The following TNR variants were observed in gnomAD, a reference collection of about 807,000 sequenced individuals.
TNR encodes the protein tenascin-R.
Under a neutral mutation model 150.4 loss-of-function variants are expected in TNR, and 45 were observed. The observed-to-expected ratio is 0.30, with a 90% CI of 0.24 to 0.38. TNR has a LOEUF of 0.38. TNR is among the 10% of genes least tolerant of loss of function. The pLI, the probability that TNR is intolerant of heterozygous loss-of-function variation, is 1.00. For synonymous variants in TNR, 687 were observed against 678.4 expected (o/e 1.01, Z -0.20); for missense variants, 1,544 against 1,759.1 (o/e 0.88, Z 2.19).
chr1:175,617,460 C>T lies in TNR; in HGVS notation c.-164-89091G>A, dbSNP rs921975009. Among the ~76,000 whole-genome samples, 5 of 152,282 alleles carry T rather than the reference C, an allele frequency of 3.3e-5. No individual in the cohort carries two copies. The East Asian group carries it at 7.7e-4, about 23-fold the overall frequency. On this transcript the variant is annotated intron_variant, in intron 1 of 22. Transcript: ENST00000367674. The stretch of plus-strand genomic sequence containing the variant: ...CTGGCTCCAGTCAGCGGGGTAGAGA[C>T]GATTTGGTGACAATGCGATCCCTCT...
intron 19 of TNR, among the ~76,000 whole-genome samples, chr1:175,336,091 C>T (rs1445076084): frequency 6.6e-6 from 1 of 152,190 alleles, no homozygotes; most frequent in Non-Finnish European, 1.5e-5. Flanking sequence ...GTAGAAAGGA[C>T]TCAGGATACA....
chr1:175,399,413 GA>G (rs1326888478), intron 4 of TNR, among the ~76,000 whole-genome samples: 5 of 152,234 alleles, frequency 3.3e-5, no homozygotes, highest in Admixed American at 3.3e-4. Flanking sequence ...AAGAGGTGCA[GA>G]AGGATTTTTA....
chr1:175,659,451 C>G (rs1665294190), intron 1 of TNR, among the ~76,000 whole-genome samples: 1 of 152,126 alleles, frequency 6.6e-6, no homozygotes, highest in Non-Finnish European at 1.5e-5. Flanking sequence ...ATGAAGCAGC[C>G]CAGGTGACCA....
intron 1 of TNR, among the ~76,000 whole-genome samples, chr1:175,591,339 A>G (rs1182682538): frequency 6.6e-6 from 1 of 152,160 alleles, no homozygotes; most frequent in East Asian, 1.9e-4. Flanking sequence ...TAACAGCAGA[A>G]ATGAACCCCT....
intron 1 of TNR, among the ~76,000 whole-genome samples, chr1:175,675,154 C>T (rs1311051286): frequency 6.6e-6 from 1 of 152,254 alleles, no homozygotes; most frequent in Admixed American, 6.5e-5. Context: ...GCCAGGCAGA[C>T]AAGGACCTCT....
chr1:175,678,243 G>A (rs1020620695), intron 1 of TNR, among the ~76,000 whole-genome samples: 2 of 152,184 alleles, frequency 1.3e-5, no homozygotes, highest in Non-Finnish European at 2.9e-5. Context: ...GGGCTGGGGT[G>A]GAATGATGGA....
chr1:175,627,156 T>C (rs1664180569), intron 1 of TNR, among the ~76,000 whole-genome samples: 1 of 152,228 alleles, frequency 6.6e-6, no homozygotes, highest in African/African-American at 2.4e-5. Context: ...TAATCTAAAC[T>C]AACAGTATTG....
chr1:175,541,268 C>G (rs894559482), intron 1 of TNR, among the ~76,000 whole-genome samples: 1 of 152,232 alleles, frequency 6.6e-6, no homozygotes, highest in South Asian at 2.1e-4. Flanking sequence ...CCAGCTTTAG[C>G]TTGGCCTGCA....
intron 2 of TNR, among the ~76,000 whole-genome samples, chr1:175,440,759 G>T (rs1314031729): frequency 6.6e-6 from 1 of 152,122 alleles, no homozygotes; most frequent in Non-Finnish European, 1.5e-5. Flanking sequence ...AGTCCTATTA[G>T]ATCCTCAGTC....
chr1:175,464,910 G>T (rs890841938), intron 2 of TNR, among the ~76,000 whole-genome samples: 1 of 152,148 alleles, frequency 6.6e-6, no homozygotes, highest in African/African-American at 2.4e-5. Context: ...AGTGGGTATT[G>T]CCTGTCTTGG....
At chr1:175,413,608 G>A (rs1352671623) in intron 2 of TNR, among the ~76,000 whole-genome samples, 2 of 152,160 alleles carry the variant, frequency 1.3e-5, no homozygotes, top group East Asian at 3.9e-4. Context: ...TATCTCAGAT[G>A]AGTCAAAGAG....
At chr1:175,706,606 T>C (rs1666848699) in intron 1 of TNR, among the ~76,000 whole-genome samples, 1 of 152,026 alleles carries the variant, frequency 6.6e-6, no homozygotes, top group African/African-American at 2.4e-5. Flanking sequence ...AAAAACAGGA[T>C]AGAAACATAC....
At chr1:175,417,349 G>C (rs541689456) in intron 2 of TNR, among the ~76,000 whole-genome samples, 2 of 152,058 alleles carry the variant, frequency 1.3e-5, no homozygotes, top group Non-Finnish European at 2.9e-5. Flanking sequence ...GAGAGGGGGC[G>C]GCAAAGGGTA....
chr1:175,367,109 G>T, intron 10 of TNR, 99 bp downstream of exon 10: 1 of 1,007,278 alleles, frequency 9.9e-7, no homozygotes. Context: ...TTCACTGGAA[G>T]ACATTGCTTT....
intron 1 of TNR, among the ~76,000 whole-genome samples, chr1:175,543,803 T>G (rs533348406): frequency 2.6e-5 from 4 of 152,144 alleles, no homozygotes; most frequent in Non-Finnish European, 5.9e-5. Flanking sequence ...GTAAGTTTTA[T>G]GAAAGATGCC....
intron 15 of TNR, among the ~76,000 whole-genome samples, chr1:175,359,339 T>C (rs561491279): frequency 8.0e-4 from 121 of 151,768 alleles, no homozygotes; most frequent in African/African-American, 2.8e-3. Flanking sequence ...AGAGATGGGG[T>C]TTCACCATGT....
chr1:175,540,232 C>T (rs1571580223), intron 1 of TNR, among the ~76,000 whole-genome samples: 1 of 152,294 alleles, frequency 6.6e-6, no homozygotes, highest in Non-Finnish European at 1.5e-5. Context: ...CCATGTGACC[C>T]TGCATTCAGA....
At position 175,524,598 on chromosome 1, in the gene TNR, A is replaced by G. The variant is rs188198633; in HGVS notation, c.-64+3671T>C. ...GAAGAGTTAGTTGTGGCCAGGAGGA[A>G]CCCTTTCTCTCCAGAGACAGGACAA... On this transcript the variant is annotated intron_variant, in intron 2 of 22. Coordinates refer to ENST00000367674, the MANE Select transcript of TNR (RefSeq NM_003285.3). 1.4e-3 allele frequency among the ~76,000 whole-genome samples: 218 copies of G among 152,180 alleles called. 1 individual carries two copies. Among genetic ancestry groups the G allele is most frequent in the African/African-American group, 4.6e-3 (193 of 41,516 alleles).
chr1:175,606,467 G>A (rs942363466), intron 1 of TNR, among the ~76,000 whole-genome samples: 5 of 152,196 alleles, frequency 3.3e-5, no homozygotes, highest in African/African-American at 1.2e-4. Context: ...GTAAATTAAG[G>A]ATCCTGACAC....
Sources: gnomAD v4.1 joint callset for allele counts (sites outside exome capture counted in the v4.1 genomes callset) on GRCh38, gnomAD v4.1.1 for gene constraint, MANE v1.5 for transcripts, NCBI Gene and HGNC (gene_info 2026-07-23, HGNC 2026-07-21) for gene names.